Variants in CA10 observed in about 807,000 individuals in gnomAD.
CA10 encodes the protein carbonic anhydrase-related protein 10.
Under a neutral mutation model 44.2 loss-of-function variants are expected in CA10, and 14 were observed. The observed-to-expected ratio is 0.32, with a 90% CI of 0.21 to 0.50. The LOEUF (loss-of-function observed/expected upper bound fraction) is 0.50. Ranked by LOEUF, CA10 falls within the 20% of genes least tolerant of loss-of-function variation. CA10 has a pLI of 0.99. For missense variants in CA10, 350 were observed against 409.7 expected (o/e 0.85, Z 1.26); for synonymous variants, 159 against 141.6 (o/e 1.12, Z -0.87).
chr17:51,908,829 C>G (rs1045709967), intron 3 of CA10, among the ~76,000 whole-genome samples: 69 of 152,144 alleles, frequency 4.5e-4, no homozygotes, highest in African/African-American at 1.6e-3. Context: ...GTATTTAGTA[C>G]CCTACTTTAC....
At chr17:51,986,410 T>C (rs768542243) in intron 2 of CA10, among the ~76,000 whole-genome samples, 90 of 151,960 alleles carry the variant, frequency 5.9e-4, no homozygotes, top group Non-Finnish European at 1.0e-3. Context: ...TTCCAGAAGA[T>C]AACATCAGAG....
intron 4 of CA10, among the ~76,000 whole-genome samples, chr17:51,738,653 C>G (rs1163240588): frequency 1.3e-5 from 2 of 152,132 alleles, no homozygotes; most frequent in African/African-American, 4.8e-5. Context: ...GGATGCTCAT[C>G]ATGGCTTATG....
At chr17:51,931,487 G>A (rs1488912170) in intron 2 of CA10, among the ~76,000 whole-genome samples, 1 of 152,164 alleles carries the variant, frequency 6.6e-6, no homozygotes, top group East Asian at 1.9e-4. Context: ...ATTCCCTGGA[G>A]TTGATGCTGT....
At chr17:51,854,301 T>G (rs1208607773) in intron 3 of CA10, among the ~76,000 whole-genome samples, 2 of 152,026 alleles carry the variant, frequency 1.3e-5, no homozygotes, top group African/African-American at 4.8e-5. Context: ...TAATGTTCAG[T>G]GAGGTCAGGC....
At chr17:51,868,820 G>A (rs1250120852) in intron 3 of CA10, among the ~76,000 whole-genome samples, 1 of 151,576 alleles carries the variant, frequency 6.6e-6, no homozygotes, top group Non-Finnish European at 1.5e-5. Flanking sequence ...TGTTGATATA[G>A]AACACTCATG....
chr17:51,686,949 A>T (rs1384393284), intron 4 of CA10, among the ~76,000 whole-genome samples: 1 of 152,166 alleles, frequency 6.6e-6, no homozygotes, highest in African/African-American at 2.4e-5. Flanking sequence ...TACCACTGCA[A>T]GTTTTAATTA....
intron 6 of CA10, among the ~76,000 whole-genome samples, chr17:51,645,909 TGA>T (rs1478082141): frequency 2.0e-5 from 3 of 152,104 alleles, no homozygotes; most frequent in African/African-American, 7.2e-5. Context: ...GTGGACAGAG[TGA>T]GTGTGTGAGT....
In CA10 at chr17:52,157,914, A is replaced by G; in HGVS notation, c.-128T>C. ...GAGTGCACACTCGCACTCCCACCCG[A>G]CAGCCGGCCAGGGACAGTCACCCCC... On this transcript the variant is annotated 5_prime_UTR_variant, in exon 1 of 9. Transcript: ENST00000451037. 1 of 768,886 alleles carries G rather than the reference A, an allele frequency of 1.3e-6. No homozygotes were observed. The highest frequency in any genetic ancestry group is 1.5e-5 in the South Asian group (1 of 68,244). The allele number at this position is 768,886 out of a possible 1,614,324, so 47.6% of individuals were successfully genotyped here.
At chr17:52,079,433 T>G (rs1987906730) in intron 1 of CA10, among the ~76,000 whole-genome samples, 1 of 148,890 alleles carries the variant, frequency 6.7e-6, no homozygotes, top group East Asian at 2.0e-4. Flanking sequence ...CACCCCAGCC[T>G]GGGGGACAGA....
At chr17:51,687,470 G>A (rs937205121) in intron 4 of CA10, among the ~76,000 whole-genome samples, 2 of 152,152 alleles carry the variant, frequency 1.3e-5, no homozygotes, top group Admixed American at 6.5e-5. Flanking sequence ...CACATACTAG[G>A]TGCTCAATAA....
chr17:51,785,185 A>G (rs776723624), intron 3 of CA10, among the ~76,000 whole-genome samples: 2 of 152,168 alleles, frequency 1.3e-5, no homozygotes, highest in Non-Finnish European at 2.9e-5. Context: ...GCTGATGGAC[A>G]CTTAGGTTGC....
chr17:52,097,569 G>A (rs1455245225), intron 1 of CA10, among the ~76,000 whole-genome samples: 1 of 152,040 alleles, frequency 6.6e-6, no homozygotes, highest in African/African-American at 2.4e-5. Flanking sequence ...TTGCACTCTG[G>A]GTTGACACGG....
chr17:51,982,684 C>CT (rs1054339876), intron 2 of CA10, among the ~76,000 whole-genome samples: 24 of 151,890 alleles, frequency 1.6e-4, no homozygotes, highest in Non-Finnish European at 4.4e-5. Context: ...CTCTGCCCTA[C>CT]TCTTCACTCA....
intron 4 of CA10, among the ~76,000 whole-genome samples, chr17:51,741,049 T>A (rs916852126): frequency 3.9e-5 from 6 of 152,230 alleles, no homozygotes; most frequent in Non-Finnish European, 8.8e-5. Flanking sequence ...GACATTTTTA[T>A]TTGTTTTATT....
chr17:51,836,702 A>C (rs937975618), intron 3 of CA10, among the ~76,000 whole-genome samples: 2 of 152,216 alleles, frequency 1.3e-5, no homozygotes, highest in African/African-American at 4.8e-5. Context: ...AGGATCTCTC[A>C]GTGTATGAGG....
At chr17:52,084,894 G>A (rs1481123637) in intron 1 of CA10, among the ~76,000 whole-genome samples, 2 of 152,146 alleles carry the variant, frequency 1.3e-5, no homozygotes, top group East Asian at 3.8e-4. Flanking sequence ...ATGTATAAGA[G>A]TTCCAGGAAG....
chr17:52,012,067 C>G (rs116072174), intron 2 of CA10, among the ~76,000 whole-genome samples: 2,560 of 152,014 alleles, frequency 0.017, 65 homozygotes, highest in African/African-American at 0.058. Flanking sequence ...ATGAACTGAG[C>G]TGGTTATGGT....
intron 2 of CA10, among the ~76,000 whole-genome samples, chr17:52,027,898 A>G (rs1986350539): frequency 6.6e-6 from 1 of 152,140 alleles, no homozygotes; most frequent in Non-Finnish European, 1.5e-5. Flanking sequence ...CATTTGACAG[A>G]ATCTCCCTTC....
intron 4 of CA10, among the ~76,000 whole-genome samples, chr17:51,658,380 GACTT>G (rs910689610): frequency 2.0e-5 from 3 of 152,230 alleles, no homozygotes; most frequent in South Asian, 2.1e-4. Flanking sequence ...ACAAGATTTT[GACTT>G]ACTTACAGAT....
Sources: allele counts gnomAD v4.1 joint callset (sites outside exome capture counted in the v4.1 genomes callset), GRCh38; gene constraint gnomAD v4.1.1; transcripts MANE v1.5; gene names NCBI Gene and HGNC (gene_info 2026-07-23, HGNC 2026-07-21).